The following SYN3 variants were observed in gnomAD, a reference collection of about 807,000 sequenced individuals.
SYN3 encodes the protein synapsin III, also known as synapsin-3.
Under a neutral mutation model 65.8 loss-of-function variants are expected in SYN3, and 35 were observed. That is an observed-to-expected ratio of 0.53 (90% confidence interval 0.41 to 0.70). The LOEUF is 0.70. SYN3 is among the 30% of genes least tolerant of loss of function. The probability of loss-of-function intolerance (pLI) is 0.00; values close to 1 mark genes in which losing one functional copy is unlikely to be tolerated. For missense variants in SYN3, 680 were observed against 749.0 expected (o/e 0.91, Z 1.08); for synonymous variants, 270 against 292.9 (o/e 0.92, Z 0.80).
At chr22:32,699,712 T>C (rs1276291488) in intron 6 of SYN3, among the ~76,000 whole-genome samples, 1 of 152,176 alleles carries the variant, frequency 6.6e-6, no homozygotes, top group African/African-American at 2.4e-5. Context: ...ACTTGTGAAG[T>C]CCAAAGTAAG....
intron 6 of SYN3, among the ~76,000 whole-genome samples, chr22:32,619,209 G>A (rs931233499): frequency 2.6e-5 from 4 of 152,192 alleles, no homozygotes; most frequent in African/African-American, 9.7e-5. Flanking sequence ...AGGTCCGACA[G>A]CACTGGCCTA....
At chr22:32,851,946 G>GTGC (rs1166532629) in intron 6 of SYN3, among the ~76,000 whole-genome samples, 1 of 152,102 alleles carries the variant, frequency 6.6e-6, no homozygotes, top group Non-Finnish European at 1.5e-5. Context: ...CCATCCTCTC[G>GTGC]TGCTTCCTTC....
At chr22:32,565,837 C>T (rs922746353) in intron 7 of SYN3, among the ~76,000 whole-genome samples, 3 of 152,040 alleles carry the variant, frequency 2.0e-5, no homozygotes, top group South Asian at 2.1e-4. Flanking sequence ...TCAGCCCCCC[C>T]GAGTAGCTGC....
In SYN3 at chr22:32,837,393, G is replaced by A. The variant is rs993436567; in HGVS notation, c.711+27522C>T. Among the ~76,000 whole-genome samples, 10 of 108,464 alleles carry A rather than the reference G, an allele frequency of 9.2e-5. No individual in the cohort carries two copies. Among genetic ancestry groups the A allele is most frequent in the Admixed American group, 7.4e-4 (9 of 12,240 alleles). The allele number at this position is 108,464 out of a possible 152,430, so 71.2% of individuals were successfully genotyped here. ...AAGCAAGTCGGCGCCTCTGACCCCT[G>A]AGTGGGCTTGAGCTTTTGAGAGGTC... On this transcript the variant is annotated intron_variant, in intron 6 of 13. Coordinates refer to ENST00000358763, the MANE Select transcript of SYN3 (RefSeq NM_003490.4). This position sits in a 1 kb window ranked among gnomAD's most constrained non-coding sequence, Gnocchi z 4.1.
rs182747331 is a variant in SYN3 at position 32,709,972 on chromosome 22, G to A, written c.712-113236C>T. Among the ~76,000 whole-genome samples, 7 of 151,664 alleles carry A rather than the reference G, an allele frequency of 4.6e-5. No homozygotes were observed. The East Asian group carries it at 1.2e-3, about 25-fold the overall frequency. On this transcript the variant is annotated intron_variant, in intron 6 of 13. Transcript: ENST00000358763. Reference sequence around the variant, plus strand: ...TTTTACTTTTACAAATAATGTTTCAGTGAATGGCTTTGCATATAAATCTTC... The same window carrying A: ...TTTTACTTTTACAAATAATGTTTCAATGAATGGCTTTGCATATAAATCTTC...
At chr22:32,937,510 G>C (rs1216808268) in intron 3 of SYN3, among the ~76,000 whole-genome samples, 1 of 152,150 alleles carries the variant, frequency 6.6e-6, no homozygotes, top group African/African-American at 2.4e-5. Flanking sequence ...GGAAGGCCAA[G>C]GGGGAAGCAA....
intron 1 of SYN3, among the ~76,000 whole-genome samples, chr22:33,029,354 T>G (rs1004235699): frequency 8.6e-5 from 13 of 152,036 alleles, no homozygotes; most frequent in African/African-American, 3.1e-4. Flanking sequence ...TAATGTTTAT[T>G]TTTATTTTTG....
intron 6 of SYN3, among the ~76,000 whole-genome samples, chr22:32,824,503 C>T (rs746241589): frequency 2.6e-5 from 4 of 151,880 alleles, no homozygotes; most frequent in Non-Finnish European, 5.9e-5. Flanking sequence ...GTCTGGAGCT[C>T]ACTGAAGAAT....
At chr22:32,935,236 A>G (rs906355147) in intron 3 of SYN3, among the ~76,000 whole-genome samples, 9 of 152,076 alleles carry the variant, frequency 5.9e-5, no homozygotes, top group Non-Finnish European at 1.2e-4. Flanking sequence ...TCACTTCACC[A>G]AAAACATGCG....
Position 32,513,801 on chromosome 22 carries a change from CTG to C in SYN3, c.1632_1633del (p.Asn544LysfsTer15). ...CTGGGAGGTGTCGGATGTGCTGAGGCTGTTAGTCAGGGACTGAGATTTGCTGA... is the reference window on the plus strand; with the variant it reads ...CTGGGAGGTGTCGGATGTGCTGAGGCTTAGTCAGGGACTGAGATTTGCTGA... On this transcript the variant is annotated frameshift_variant, in exon 14 of 14. Transcript: ENST00000358763. LOFTEE classifies it high-confidence loss of function. 1 of 1,614,138 alleles carries C rather than the reference CTG, an allele frequency of 6.2e-7. No individual in the cohort carries two copies. Among genetic ancestry groups the C allele is most frequent in the South Asian group, 1.1e-5 (1 of 91,074 alleles).
chr22:33,025,403 A>G (rs1308908916), intron 1 of SYN3, among the ~76,000 whole-genome samples: 1 of 140,502 alleles, frequency 7.1e-6, no homozygotes, highest in African/African-American at 2.7e-5. Flanking sequence ...GCGCCACTGC[A>G]CTCCAGGGTG....
rs1387508973 is a variant in SYN3, at chr22:32,644,335, G to A, written c.712-47599C>T. On this transcript the variant is annotated intron_variant, in intron 6 of 13. Coordinates refer to ENST00000358763, the MANE Select transcript of SYN3 (RefSeq NM_003490.4). ...ACCGTACATTCAGGGTTGGAGGCTG[G>A]CAGTGGAGGGGAGGGGTATGAGGTG... 2.0e-5 allele frequency among the ~76,000 whole-genome samples: 3 copies of A among 152,132 alleles called. No individual in the cohort carries two copies. The East Asian group carries it at 5.8e-4, about 29-fold the overall frequency.
At chr22:32,708,242 C>T (rs1569163216) in intron 6 of SYN3, among the ~76,000 whole-genome samples, 1 of 152,230 alleles carries the variant, frequency 6.6e-6, no homozygotes, top group Non-Finnish European at 1.5e-5. Flanking sequence ...GTATTTATTA[C>T]TGGCATTGTT....
chr22:32,844,371 G>A (rs1423084421), intron 6 of SYN3, among the ~76,000 whole-genome samples: 6 of 152,304 alleles, frequency 3.9e-5, no homozygotes, highest in Non-Finnish European at 8.8e-5. Context: ...TTCAAAACTT[G>A]TGCCACTGTG....
chr22:32,708,250 G>A (rs1397579697), intron 6 of SYN3, among the ~76,000 whole-genome samples: 2 of 152,230 alleles, frequency 1.3e-5, no homozygotes, highest in East Asian at 3.9e-4. Context: ...TACTGGCATT[G>A]TTTAGAAACG....
intron 6 of SYN3, among the ~76,000 whole-genome samples, chr22:32,673,040 C>T (rs943426277): frequency 1.3e-5 from 2 of 152,308 alleles, no homozygotes; most frequent in Admixed American, 1.3e-4. Context: ...AAAAATGGAT[C>T]TCAGGGCAGA....
At chr22:32,939,951 G>C (rs908480489) in intron 3 of SYN3, among the ~76,000 whole-genome samples, 2 of 152,152 alleles carry the variant, frequency 1.3e-5, no homozygotes, top group Admixed American at 1.3e-4. Context: ...CAGTGGTTTT[G>C]CCAATTTACA....
chr22:32,634,568 C>A (rs1308451283), intron 6 of SYN3, among the ~76,000 whole-genome samples: 1 of 152,210 alleles, frequency 6.6e-6, no homozygotes, highest in Non-Finnish European at 1.5e-5. Flanking sequence ...TCGGCACCAC[C>A]TCCAGAAATA....
At chr22:32,947,854 T>C (rs1186645034) in intron 3 of SYN3, among the ~76,000 whole-genome samples, 1 of 152,238 alleles carries the variant, frequency 6.6e-6, no homozygotes, top group Non-Finnish European at 1.5e-5. Context: ...GGTTGGTTTC[T>C]CTGTTCTGTG....
Sources: gnomAD v4.1 joint callset for allele counts (sites outside exome capture counted in the v4.1 genomes callset) on GRCh38, gnomAD v4.1.1 for gene constraint, Gnocchi (gnomAD v3.1) non-coding constraint, MANE v1.5 for transcripts, NCBI Gene and HGNC (gene_info 2026-07-23, HGNC 2026-07-21) for gene names.